Variants in ITGA9 observed in about 807,000 individuals in gnomAD.
ITGA9 encodes integrin alpha-9.
A neutral mutation model predicts 127.8 loss-of-function variants in ITGA9; 56 were observed. The ratio of observed to expected loss-of-function variants is 0.44; its 90% CI spans 0.35 to 0.55. ITGA9 has a LOEUF of 0.55. Among genes scored for constraint, ITGA9 ranks in the 20% least tolerant of loss-of-function variants. The probability of loss-of-function intolerance (pLI) is 0.00; values close to 1 mark genes in which losing one functional copy is unlikely to be tolerated. For synonymous variants in ITGA9, 508 were observed against 514.5 expected (o/e 0.99, Z 0.17); for missense variants, 1,196 against 1,347.1 (o/e 0.89, Z 1.76).
At chr3:37,519,382 C>T in intron 11 of ITGA9, 28 bp downstream of exon 11, 1 of 1,530,870 alleles carries the variant, frequency 6.5e-7, no homozygotes, top group Non-Finnish European at 9.0e-7. Flanking sequence ...GATATGGCAA[C>T]TGTTCATACA....
chr3:37,493,630 A>G (rs1266963210), intron 4 of ITGA9, among the ~76,000 whole-genome samples: 2 of 151,436 alleles, frequency 1.3e-5, no homozygotes, highest in Admixed American at 1.3e-4. Flanking sequence ...AAGCTGAGGT[A>G]GAATCCTGGC....
chr3:37,750,558 C>A lies in ITGA9; in HGVS notation c.2530C>A (p.Gln844Lys), dbSNP rs1206396901. 6.2e-7 allele frequency: 1 copy of A among 1,607,044 alleles called. No homozygotes were observed. Among genetic ancestry groups the A allele is most frequent in the African/African-American group, 1.3e-5 (1 of 74,782 alleles). Residue 844 changes from glutamine (Q) to lysine (K), a missense_variant, in exon 23 of 28, where the codon CAG becomes AAG. Physicochemically the swap from Gln to Lys is moderately conservative, Grantham distance 53. Coordinates refer to ENST00000264741, the MANE Select transcript of ITGA9 (RefSeq NM_002207.3). ...SSGGAEMFHV[Q>K]EMVVGQEKGN... Reference sequence around the variant, plus strand: ...TGGTGGTGCAGAGATGTTTCATGTCCAGGAAATGGTGGTGAGTTCTCCATT... The same window carrying A: ...TGGTGGTGCAGAGATGTTTCATGTCAAGGAAATGGTGGTGAGTTCTCCATT...
At chr3:37,751,757 C>T (rs1696588787) in intron 23 of ITGA9, among the ~76,000 whole-genome samples, 1 of 152,072 alleles carries the variant, frequency 6.6e-6, no homozygotes, top group Admixed American at 6.5e-5. Flanking sequence ...CTCAGATACC[C>T]AAGTGGTGTG....
intron 16 of ITGA9, among the ~76,000 whole-genome samples, chr3:37,634,655 G>T (rs552430367): frequency 1.3e-5 from 2 of 152,218 alleles, no homozygotes; most frequent in Non-Finnish European, 1.5e-5. Context: ...TAATATTAGG[G>T]AATTTCAGTA....
At chr3:37,481,697 TC>T (rs1246213966) in intron 4 of ITGA9, 90 bp downstream of exon 4, 8 of 1,515,308 alleles carry the variant, frequency 5.3e-6, no homozygotes, top group African/African-American at 1.4e-5. Context: ...GCTGAACATT[TC>T]CCCAGCTTTC....
intron 23 of ITGA9, among the ~76,000 whole-genome samples, chr3:37,764,481 A>AG (rs1381584929): frequency 6.6e-6 from 1 of 151,174 alleles, no homozygotes; most frequent in Non-Finnish European, 1.5e-5. Flanking sequence ...AAAAAAAAAA[A>AG]AAAAAAAAAA....
intron 17 of ITGA9, among the ~76,000 whole-genome samples, chr3:37,661,944 T>G (rs548728917): frequency 6.6e-6 from 1 of 152,230 alleles, no homozygotes; most frequent in South Asian, 2.1e-4. Flanking sequence ...CATGAAGATC[T>G]GCAGGTGTCT....
intron 12 of ITGA9, 116 bp from the exon 13 acceptor site, chr3:37,525,910 G>A (rs972877083): frequency 9.7e-6 from 8 of 826,782 alleles, no homozygotes; most frequent in Admixed American, 1.8e-5. Flanking sequence ...GACAGTGGTC[G>A]TCTGAGGGCT....
Position 37,668,428 on chromosome 3 carries a change from T to C in ITGA9, c.1916+14638T>C, listed in dbSNP as rs984837732. ...CATCTTTCCAGCAGGCACAATGACATGGCTATTTCCCTTGTGACTGGACGC... is the reference window on the plus strand; with the variant it reads ...CATCTTTCCAGCAGGCACAATGACACGGCTATTTCCCTTGTGACTGGACGC... On this transcript the variant is annotated intron_variant, in intron 17 of 27. Coordinates refer to ENST00000264741, the MANE Select transcript of ITGA9 (RefSeq NM_002207.3). Among the ~76,000 whole-genome samples the C allele has an allele frequency of 2.0e-5, 3 of 152,292 alleles. No homozygotes were observed. In the South Asian group the frequency reaches 6.2e-4, roughly 32 times the overall value.
chr3:37,692,628 A>G (rs1267257110), intron 18 of ITGA9, among the ~76,000 whole-genome samples: 2 of 149,972 alleles, frequency 1.3e-5, no homozygotes, highest in African/African-American at 2.4e-5. Context: ...ATGCTTGTTG[A>G]TTTTTTTTTT....
At chr3:37,454,436 T>A (rs986757078) in intron 1 of ITGA9, among the ~76,000 whole-genome samples, 14 of 152,240 alleles carry the variant, frequency 9.2e-5, no homozygotes, top group African/African-American at 3.4e-4. Flanking sequence ...GGCCTTCAGC[T>A]TGGTACCCAG....
intron 14 of ITGA9, among the ~76,000 whole-genome samples, chr3:37,536,480 T>C (rs947964800): frequency 6.6e-6 from 1 of 152,270 alleles, no homozygotes; most frequent in African/African-American, 2.4e-5. Flanking sequence ...TGCTGCTGTC[T>C]TCAGCTACAT....
chr3:37,513,744 C>G lies in ITGA9; in HGVS notation c.898-19C>G, dbSNP rs376410870. ...AGAGCAGACACTGAATGCTTTGTTG[C>G]AACTCAACTTGGTTGCAGATGGGCT... On this transcript the variant is annotated intron_variant, in intron 8 of 27. Transcript: ENST00000264741. 6.2e-7 allele frequency: 1 copy of G among 1,614,038 alleles called. No individual in the cohort carries two copies. The highest frequency in any genetic ancestry group is 2.2e-5 in the East Asian group (1 of 44,882).
chr3:37,531,043 G>A (rs571871334), intron 13 of ITGA9, among the ~76,000 whole-genome samples: 32 of 152,078 alleles, frequency 2.1e-4, no homozygotes, highest in African/African-American at 7.0e-4. Flanking sequence ...GAGCCACCGC[G>A]CCCGGCCGCT....
chr3:37,703,110 C>G (rs1290095988), intron 18 of ITGA9, among the ~76,000 whole-genome samples: 5 of 152,174 alleles, frequency 3.3e-5, no homozygotes, highest in Admixed American at 2.6e-4. Context: ...CTAACCAGAC[C>G]TAAAACAGAC....
intron 16 of ITGA9, among the ~76,000 whole-genome samples, chr3:37,630,148 A>G (rs978508909): frequency 1.3e-5 from 2 of 152,202 alleles, no homozygotes; most frequent in East Asian, 3.8e-4. Context: ...CTGTAAGTGT[A>G]GGGGAAAACT....
chr3:37,694,688 G>A (rs893691960), intron 18 of ITGA9, among the ~76,000 whole-genome samples: 1 of 152,096 alleles, frequency 6.6e-6, no homozygotes, highest in Non-Finnish European at 1.5e-5. Flanking sequence ...GAAAACATGT[G>A]TTAAACCTCT....
chr3:37,720,541 T>C (rs572958937), intron 18 of ITGA9, among the ~76,000 whole-genome samples: 17 of 152,340 alleles, frequency 1.1e-4, no homozygotes, highest in African/African-American at 4.1e-4. Context: ...TTTTTTTTAA[T>C]TGAAGAAAAA....
At chr3:37,576,908 A>G (rs1433780999) in intron 15 of ITGA9, among the ~76,000 whole-genome samples, 1 of 152,200 alleles carries the variant, frequency 6.6e-6, no homozygotes, top group Admixed American at 6.5e-5. Flanking sequence ...CTCCAACCAC[A>G]ATTCTTGTTT....
Sources: gnomAD v4.1 joint callset for allele counts (sites outside exome capture counted in the v4.1 genomes callset) on GRCh38, gnomAD v4.1.1 for gene constraint, MANE v1.5 for transcripts, NCBI Gene and HGNC (gene_info 2026-07-23, HGNC 2026-07-21) for gene names.